Variants in RCOR1 observed in about 807,000 individuals in gnomAD.
The protein encoded by RCOR1 is REST corepressor 1, also known as REST corepressor.
A neutral mutation model predicts 64.0 loss-of-function variants in RCOR1; 12 were observed. The observed-to-expected ratio is 0.19, with a 90% CI of 0.12 to 0.30. The LOEUF is 0.30. RCOR1 is among the 10% of genes least tolerant of loss of function. The pLI is 1.00. For synonymous variants in RCOR1, 279 were observed against 227.2 expected (o/e 1.23, Z -2.05); for missense variants, 502 against 621.2 (o/e 0.81, Z 2.04).
intron 2 of RCOR1, among the ~76,000 whole-genome samples, chr14:102,615,123 G>A: frequency 1.3e-5 from 1 of 77,210 alleles, no homozygotes; most frequent in South Asian, 4.8e-4. Context: ...GAGCCATAGT[G>A]CCCGGCCCCC....
At chr14:102,602,506 T>C (rs865978318) in intron 2 of RCOR1, among the ~76,000 whole-genome samples, 1 of 151,300 alleles carries the variant, frequency 6.6e-6, no homozygotes, top group African/African-American at 2.4e-5. Context: ...CCGGTTCAAG[T>C]GATTGTCCTG....
At chr14:102,672,868 G>T (rs1188279654) in intron 2 of RCOR1, among the ~76,000 whole-genome samples, 1 of 152,216 alleles carries the variant, frequency 6.6e-6, no homozygotes, top group Non-Finnish European at 1.5e-5. Flanking sequence ...GCATTATAGA[G>T]TGAGAAATAA....
intron 2 of RCOR1, among the ~76,000 whole-genome samples, chr14:102,628,870 G>A (rs533292770): frequency 6.6e-6 from 1 of 151,010 alleles, no homozygotes; most frequent in South Asian, 2.1e-4. Context: ...TTTCTCTACT[G>A]CAGTCAGAGG....
chr14:102,613,882 ATTCTTTTTTTT>A (rs1490767473), intron 2 of RCOR1, among the ~76,000 whole-genome samples: 2 of 92,400 alleles, frequency 2.2e-5, no homozygotes, highest in African/African-American at 8.6e-5. Context: ...TGAATTAACT[ATTCTTTTTTTT>A]TTTTTTTTTT....
At chr14:102,722,073 C>T in intron 10 of RCOR1, 114 bp from the exon 11 acceptor site, 1 of 733,750 alleles carries the variant, frequency 1.4e-6, no homozygotes, top group African/African-American at 1.8e-5. Context: ...AAATTATTGC[C>T]TGCTGTTAAA....
chr14:102,659,895 T>C (rs1004803131), intron 2 of RCOR1, among the ~76,000 whole-genome samples: 1 of 152,168 alleles, frequency 6.6e-6, no homozygotes, highest in Non-Finnish European at 1.5e-5. Context: ...AAGCGTGAAG[T>C]AGTTAATGTT....
At chr14:102,624,942 C>G (rs1387333309) in intron 2 of RCOR1, among the ~76,000 whole-genome samples, 1 of 152,124 alleles carries the variant, frequency 6.6e-6, no homozygotes, top group African/African-American at 2.4e-5. Flanking sequence ...ACAATCATGG[C>G]TCAACTGCAG....
chr14:102,639,795 A>T (rs548541710), intron 2 of RCOR1, among the ~76,000 whole-genome samples: 7 of 147,500 alleles, frequency 4.7e-5, no homozygotes, highest in Non-Finnish European at 7.4e-5. Context: ...AGCCTCCCAA[A>T]GTGCTGGGGT....
chr14:102,647,823 C>T (rs115386338), intron 2 of RCOR1, among the ~76,000 whole-genome samples: 3,560 of 152,138 alleles, frequency 0.023, 130 homozygotes, highest in African/African-American at 0.076. Context: ...GGACTACAGA[C>T]GCGTGCCACC....
chr14:102,699,514 G>A (rs1033786695), intron 3 of RCOR1, among the ~76,000 whole-genome samples: 1 of 152,186 alleles, frequency 6.6e-6, no homozygotes, highest in African/African-American at 2.4e-5. Flanking sequence ...TTGGTTGACA[G>A]TTCTCCCAGA....
chr14:102,690,839 A>G (rs1361001121), intron 3 of RCOR1, among the ~76,000 whole-genome samples: 3 of 152,128 alleles, frequency 2.0e-5, no homozygotes, highest in Non-Finnish European at 4.4e-5. Flanking sequence ...GGAACTTGGT[A>G]TGTGTGTTCA....
chr14:102,607,227 C>T (rs1273253372), intron 2 of RCOR1, among the ~76,000 whole-genome samples: 1 of 152,108 alleles, frequency 6.6e-6, no homozygotes, highest in Non-Finnish European at 1.5e-5. Context: ...GCCACCGCGC[C>T]CGGCTGAGTA....
intron 7 of RCOR1, among the ~76,000 whole-genome samples, chr14:102,714,185 G>T (rs1896016740): frequency 6.6e-6 from 1 of 152,166 alleles, no homozygotes; most frequent in Non-Finnish European, 1.5e-5. Context: ...AAACGATAGA[G>T]TAAGGAAGTA....
At chr14:102,642,106 G>T (rs1894381908) in intron 2 of RCOR1, among the ~76,000 whole-genome samples, 1 of 152,208 alleles carries the variant, frequency 6.6e-6, no homozygotes, top group Admixed American at 6.5e-5. Context: ...CCATTCTGTT[G>T]TGGCGTGTTT....
chr14:102,651,667 G>T (rs1035246994), intron 2 of RCOR1, among the ~76,000 whole-genome samples: 4 of 152,198 alleles, frequency 2.6e-5, no homozygotes, highest in Admixed American at 1.3e-4. Context: ...TTGACCAGAA[G>T]TGAATTGATA....
intron 8 of RCOR1, among the ~76,000 whole-genome samples, chr14:102,720,140 G>A (rs1443594290): frequency 6.6e-6 from 1 of 152,184 alleles, no homozygotes; most frequent in African/African-American, 2.4e-5. Context: ...AGAAAATCAA[G>A]CTCCTCTTCC....
At chr14:102,599,476 G>A (rs1405055380) in intron 2 of RCOR1, among the ~76,000 whole-genome samples, 2 of 151,884 alleles carry the variant, frequency 1.3e-5, no homozygotes, top group Non-Finnish European at 2.9e-5. Context: ...CTTTATACAC[G>A]TCCTTGGTGC....
Position 102,592,857 on chromosome 14 carries a change from G to T in RCOR1, c.-30G>T. 2.5e-6 allele frequency: 3 copies of T among 1,179,762 alleles called. No individual in the cohort carries two copies. Among genetic ancestry groups the T allele is most frequent in the Non-Finnish European group, 3.1e-6 (3 of 957,188 alleles). 73.1% of individuals were successfully genotyped at this position (1,179,762 alleles called of 1,614,324 possible). ...CCCTCCTCAGGAGCCGCGGGTCCCC[G>T]CCACTTTCGCACGGCCCCGGCCCCC... On this transcript the variant is annotated 5_prime_UTR_variant, in exon 1 of 12. Coordinates refer to ENST00000262241, the MANE Select transcript of RCOR1 (RefSeq NM_015156.4).
chr14:102,657,164 C>A (rs1894744067), intron 2 of RCOR1: 1 of 984,676 alleles, frequency 1.0e-6, no homozygotes, highest in Middle Eastern at 5.2e-4. Flanking sequence ...GGTAGAAACT[C>A]GTGAAAAATA....
Sources: gnomAD v4.1 joint callset for allele counts (sites outside exome capture counted in the v4.1 genomes callset) on GRCh38, gnomAD v4.1.1 for gene constraint, MANE v1.5 for transcripts, NCBI Gene and HGNC (gene_info 2026-07-23, HGNC 2026-07-21) for gene names.